The following SLCO6A1 variants were observed in gnomAD, a reference collection of about 807,000 sequenced individuals.
SLCO6A1 encodes the protein solute carrier organic anion transporter family member 6A1.
Under a neutral mutation model 72.7 loss-of-function variants are expected in SLCO6A1, and 65 were observed. The ratio of observed to expected loss-of-function variants is 0.89; its 90% CI spans 0.73 to 1.10. The LOEUF (loss-of-function observed/expected upper bound fraction) is 1.10. Among genes scored for constraint, SLCO6A1 ranks in the 50% least tolerant of loss-of-function variants. The probability of loss-of-function intolerance (pLI) is 0.00; values close to 1 mark genes in which losing one functional copy is unlikely to be tolerated. For synonymous variants in SLCO6A1, 314 were observed against 298.2 expected (o/e 1.05, Z -0.55); for missense variants, 874 against 872.6 (o/e 1.00, Z -0.02).
intron 8 of SLCO6A1, among the ~76,000 whole-genome samples, chr5:102,419,214 A>G (rs557514269): frequency 6.6e-6 from 1 of 152,308 alleles, no homozygotes; most frequent in Non-Finnish European, 1.5e-5. Flanking sequence ...AAATCTTTTA[A>G]AACTGTATTC....
At chr5:102,379,955 AT>A (rs1746019233) in intron 12 of SLCO6A1, among the ~76,000 whole-genome samples, 1 of 151,702 alleles carries the variant, frequency 6.6e-6, no homozygotes, top group Non-Finnish European at 1.5e-5. Flanking sequence ...TACAACTTAA[AT>A]TTTTTATTGC....
intron 1 of SLCO6A1, 24 bp downstream of exon 1, chr5:102,498,463 A>G (rs376221947): frequency 3.1e-6 from 5 of 1,598,112 alleles, no homozygotes. Context: ...CCTCGCCACA[A>G]CAAACCGCCT....
intron 9 of SLCO6A1, among the ~76,000 whole-genome samples, chr5:102,401,184 G>C (rs899452955): frequency 2.0e-5 from 3 of 151,558 alleles, no homozygotes; most frequent in African/African-American, 7.3e-5. Flanking sequence ...AATGTTTCAA[G>C]TAAAAAAAAA....
chr5:102,431,075 T>A (rs1016543327), intron 7 of SLCO6A1, among the ~76,000 whole-genome samples: 2 of 152,194 alleles, frequency 1.3e-5, no homozygotes, highest in African/African-American at 4.8e-5. Context: ...TTCTAGTTCA[T>A]GTTTGTAAAG....
chr5:102,409,096 T>G (rs928991590), intron 9 of SLCO6A1, among the ~76,000 whole-genome samples: 1 of 152,122 alleles, frequency 6.6e-6, no homozygotes, highest in Non-Finnish European at 1.5e-5. Flanking sequence ...ATAAAGAAAT[T>G]TGAAGATCTT....
intron 6 of SLCO6A1, among the ~76,000 whole-genome samples, chr5:102,457,603 C>T (rs1054020280): frequency 4.6e-5 from 7 of 152,154 alleles, no homozygotes; most frequent in Admixed American, 6.5e-5. Flanking sequence ...CAGGAAACAA[C>T]AGGTACTGGA....
rs1752472964 is a variant in SLCO6A1 at position 102,487,018 on chromosome 5, C to T, written c.359-6584G>A. Among the ~76,000 whole-genome samples, 3 of 152,250 alleles carry T rather than the reference C, an allele frequency of 2.0e-5. No homozygotes were observed. The South Asian group carries it at 6.2e-4, about 32-fold the overall frequency. On this transcript the variant is annotated intron_variant, in intron 1 of 13. Coordinates refer to ENST00000506729, the MANE Select transcript of SLCO6A1 (RefSeq NM_173488.5). ...TGGCATTATCTAACAATTTGAAAAA[C>T]TGTCCTTCTGCTAATGGGGTGAATT...
chr5:102,436,233 T>C (rs1265369055), intron 7 of SLCO6A1, among the ~76,000 whole-genome samples: 9 of 152,192 alleles, frequency 5.9e-5, no homozygotes, highest in Non-Finnish European at 1.3e-4. Context: ...CATTACCTTC[T>C]GATGCCTAAA....
At chr5:102,428,449 A>G (rs901037320) in intron 7 of SLCO6A1, among the ~76,000 whole-genome samples, 2 of 152,122 alleles carry the variant, frequency 1.3e-5, no homozygotes, top group African/African-American at 4.8e-5. Context: ...AAGGTAGGAA[A>G]TCTTCATAAC....
chr5:102,470,388 G>A (rs1751544535), intron 4 of SLCO6A1, among the ~76,000 whole-genome samples: 1 of 152,110 alleles, frequency 6.6e-6, no homozygotes, highest in African/African-American at 2.4e-5. Flanking sequence ...TTAGTCTTGG[G>A]AGGGTGTATG....
intron 6 of SLCO6A1, among the ~76,000 whole-genome samples, chr5:102,447,027 C>T (rs1321176504): frequency 1.3e-5 from 2 of 152,206 alleles, no homozygotes; most frequent in Non-Finnish European, 2.9e-5. Context: ...GCTGGGATTA[C>T]AGGTGTGAAC....
intron 7 of SLCO6A1, among the ~76,000 whole-genome samples, chr5:102,424,706 G>C (rs899041412): frequency 3.9e-5 from 6 of 152,090 alleles, no homozygotes; most frequent in African/African-American, 7.2e-5. Flanking sequence ...AGAAGAGTTG[G>C]TACCATTCCT....
At chr5:102,485,294 A>G (rs1391758217) in intron 1 of SLCO6A1, among the ~76,000 whole-genome samples, 1 of 113,898 alleles carries the variant, frequency 8.8e-6, no homozygotes, top group Non-Finnish European at 1.8e-5. Flanking sequence ...ATAAATAAAT[A>G]AAATAAAATA....
At chr5:102,392,714 T>A (rs1316256183) in intron 10 of SLCO6A1, among the ~76,000 whole-genome samples, 11 of 151,962 alleles carry the variant, frequency 7.2e-5, no homozygotes. Context: ...TTAACATTTT[T>A]AAAATCTAAT....
At chr5:102,389,581 C>T (rs6868284) in intron 11 of SLCO6A1, among the ~76,000 whole-genome samples, 3,556 of 151,734 alleles carry the variant, frequency 0.023, 94 homozygotes, top group African/African-American at 0.068. Flanking sequence ...TTGATTCTTG[C>T]CAATGTGCAT....
At chr5:102,382,954 GAT>G (rs149196809) in intron 12 of SLCO6A1, among the ~76,000 whole-genome samples, 10,672 of 141,610 alleles carry the variant, frequency 0.075, 440 homozygotes, top group African/African-American at 0.12. Flanking sequence ...ATATATGAGA[GAT>G]ATATATATGT....
At chr5:102,422,459 C>A (rs537152520) in intron 7 of SLCO6A1, among the ~76,000 whole-genome samples, 1 of 152,036 alleles carries the variant, frequency 6.6e-6, no homozygotes, top group Non-Finnish European at 1.5e-5. Context: ...AAACACAGCA[C>A]AAGAACTTTG....
chr5:102,383,889 C>T (rs1746261504), intron 12 of SLCO6A1, among the ~76,000 whole-genome samples: 1 of 151,720 alleles, frequency 6.6e-6, no homozygotes, highest in Non-Finnish European at 1.5e-5. Flanking sequence ...GTCAGATTTT[C>T]TACTTATTCA....
At chr5:102,433,466 G>T (rs1174426706) in intron 7 of SLCO6A1, among the ~76,000 whole-genome samples, 1 of 151,970 alleles carries the variant, frequency 6.6e-6, no homozygotes, top group Non-Finnish European at 1.5e-5. Context: ...GACCTTGAGG[G>T]TTTGCTTGTT....
Sources: gnomAD v4.1 joint callset for allele counts (sites outside exome capture counted in the v4.1 genomes callset) on GRCh38, gnomAD v4.1.1 for gene constraint, MANE v1.5 for transcripts, NCBI Gene and HGNC (gene_info 2026-07-23, HGNC 2026-07-21) for gene names.